The following MGAT4C variants were observed in gnomAD, a reference collection of about 807,000 sequenced individuals.
MGAT4C encodes the protein MGAT4 family member C.
A neutral mutation model predicts 40.1 loss-of-function variants in MGAT4C; 19 were observed. That is an observed-to-expected ratio of 0.47 (90% CI 0.33 to 0.70). The LOEUF is 0.70. Among genes scored for constraint, MGAT4C ranks in the 30% least tolerant of loss-of-function variants. The pLI, the probability that MGAT4C is intolerant of heterozygous loss-of-function variation, is 0.02. For missense variants in MGAT4C, 491 were observed against 563.2 expected, an observed-to-expected ratio of 0.87 and a Z score of 1.30; for synonymous variants, 181 against 187.1, an observed-to-expected ratio of 0.97 and a Z score of 0.27.
intron 2 of MGAT4C, among the ~76,000 whole-genome samples, chr12:86,021,847 C>G (rs1455012358): frequency 6.6e-6 from 1 of 152,062 alleles, no homozygotes; most frequent in Non-Finnish European, 1.5e-5. Context: ...CATATTGTCT[C>G]AATAATATTG....
At chr12:86,666,244 C>A (rs1418288601) in intron 2 of MGAT4C, among the ~76,000 whole-genome samples, 1 of 152,110 alleles carries the variant, frequency 6.6e-6, no homozygotes, top group Non-Finnish European at 1.5e-5. Context: ...CTACTTAAGA[C>A]CTGCACTCTG....
At chr12:86,100,767 T>C (rs1049777337) in intron 1 of MGAT4C, among the ~76,000 whole-genome samples, 1 of 151,510 alleles carries the variant, frequency 6.6e-6, no homozygotes, top group Non-Finnish European at 1.5e-5. Flanking sequence ...CAGACAAACA[T>C]GGTCAAATAA....
chr12:86,398,813 T>C (rs997324412), intron 3 of MGAT4C, among the ~76,000 whole-genome samples: 1 of 152,054 alleles, frequency 6.6e-6, no homozygotes, highest in Admixed American at 6.6e-5. Context: ...TGTTTGATTG[T>C]AGGTCAGAGA....
intron 2 of MGAT4C, among the ~76,000 whole-genome samples, chr12:86,605,056 A>G (rs926068243): frequency 9.2e-5 from 14 of 152,226 alleles, no homozygotes; most frequent in African/African-American, 3.1e-4. Flanking sequence ...ATTCTGATCT[A>G]TTTGTCATGA....
intron 2 of MGAT4C, among the ~76,000 whole-genome samples, chr12:86,666,814 T>C (rs1314006886): frequency 6.6e-6 from 1 of 152,226 alleles, no homozygotes; most frequent in African/African-American, 2.4e-5. Context: ...CAGCAGTTTT[T>C]CCCTGAAACT....
rs559709697 is a variant in MGAT4C, at chr12:86,340,343, G to A, written c.-119-6216C>T. ...AAAATAACCAGGGAAATTAGAAGAC[G>A]TTTTGCATCAGATGAATGAAAATAA... On this transcript the variant is annotated intron_variant, in intron 3 of 7. Coordinates refer to the MGAT4C transcript ENST00000548651. 2.5e-3 allele frequency among the ~76,000 whole-genome samples: 378 copies of A among 152,112 alleles called. 2 individuals are homozygous for A. The highest frequency in any genetic ancestry group is 8.8e-3 in the African/African-American group (367 of 41,532).
chr12:86,136,186 T>C (rs1881924134), intron 1 of MGAT4C, among the ~76,000 whole-genome samples: 1 of 152,214 alleles, frequency 6.6e-6, no homozygotes, highest in Non-Finnish European at 1.5e-5. Flanking sequence ...CATCCATTAA[T>C]TCAATTAAGA....
At chr12:86,407,343 T>C (rs1378801543) in intron 3 of MGAT4C, among the ~76,000 whole-genome samples, 1 of 152,094 alleles carries the variant, frequency 6.6e-6, no homozygotes, top group Admixed American at 6.6e-5. Flanking sequence ...TCTGACATTA[T>C]ATATTAAATT....
chr12:86,567,013 T>C (rs1256887613), intron 2 of MGAT4C, among the ~76,000 whole-genome samples: 1 of 152,118 alleles, frequency 6.6e-6, no homozygotes, highest in East Asian at 1.9e-4. Context: ...CTGAAGCAGC[T>C]GGATTAATAC....
At chr12:86,385,926 T>C (rs1469816708) in intron 3 of MGAT4C, among the ~76,000 whole-genome samples, 2 of 152,176 alleles carry the variant, frequency 1.3e-5, no homozygotes, top group Non-Finnish European at 2.9e-5. Context: ...TTATTTTTTA[T>C]TTTTTATTTA....
At chr12:86,547,200 T>C (rs1178729855) in intron 2 of MGAT4C, among the ~76,000 whole-genome samples, 1 of 152,052 alleles carries the variant, frequency 6.6e-6, no homozygotes, top group East Asian at 1.9e-4. Context: ...CTTTCTTTTT[T>C]GCTTATGCAA....
At chr12:86,817,367 T>C (rs1952626527) in intron 1 of MGAT4C, among the ~76,000 whole-genome samples, 1 of 151,544 alleles carries the variant, frequency 6.6e-6, no homozygotes. Context: ...AATTTATTTC[T>C]TGATATTTGT....
At chr12:86,763,643 G>C (rs1366581890) in intron 1 of MGAT4C, among the ~76,000 whole-genome samples, 1 of 152,048 alleles carries the variant, frequency 6.6e-6, no homozygotes, top group Non-Finnish European at 1.5e-5. Flanking sequence ...ACATTATTTT[G>C]AGCATTTTGT....
At chr12:86,735,430 C>A (rs1271988469) in intron 1 of MGAT4C, among the ~76,000 whole-genome samples, 1 of 151,710 alleles carries the variant, frequency 6.6e-6, no homozygotes, top group Admixed American at 6.6e-5. Context: ...GAGGTAGACA[C>A]GGAAGCCAGG....
intron 1 of MGAT4C, among the ~76,000 whole-genome samples, chr12:86,798,274 T>C (rs1354832609): frequency 6.6e-6 from 1 of 151,978 alleles, no homozygotes; most frequent in Non-Finnish European, 1.5e-5. Flanking sequence ...TAAAATTTTA[T>C]TTATAATTCA....
rs150062718 is a variant in MGAT4C, at chr12:86,293,009, AT to A, written c.-57+41055del. Among the ~76,000 whole-genome samples, 457 of 152,300 alleles carry A rather than the reference AT, an allele frequency of 3.0e-3. 2 individuals are homozygous for A. Among genetic ancestry groups the A allele is most frequent in the African/African-American group, 0.01 (436 of 41,576 alleles). ...AATTAGTTGGTTGCAGGTTAGAGAT[AT>A]CAATAAACAATTCAAGACAAAGAGA... On this transcript the variant is annotated intron_variant, in intron 4 of 7. Coordinates refer to the MGAT4C transcript ENST00000548651.
At chr12:86,619,249 CAATAT>C (rs1302191276) in intron 2 of MGAT4C, among the ~76,000 whole-genome samples, 1 of 151,978 alleles carries the variant, frequency 6.6e-6, no homozygotes, top group Non-Finnish European at 1.5e-5. Flanking sequence ...GTCTTGTTTT[CAATAT>C]AACTAAACTA....
At chr12:86,232,265 C>T (rs1381230739) in intron 1 of MGAT4C, among the ~76,000 whole-genome samples, 1 of 152,114 alleles carries the variant, frequency 6.6e-6, no homozygotes, top group East Asian at 1.9e-4. Flanking sequence ...AAAAATCCAA[C>T]ACTTATTTAA....
chr12:86,339,569 C>T (rs1954865078), intron 3 of MGAT4C, among the ~76,000 whole-genome samples: 2 of 152,114 alleles, frequency 1.3e-5, no homozygotes, highest in Non-Finnish European at 2.9e-5. Flanking sequence ...TTGTATTAAA[C>T]ATATATAAAA....
Sources: gnomAD v4.1 joint callset for allele counts (sites outside exome capture counted in the v4.1 genomes callset) on GRCh38, gnomAD v4.1.1 for gene constraint, MANE v1.5 for transcripts, NCBI Gene and HGNC (gene_info 2026-07-23, HGNC 2026-07-21) for gene names.